PTPRA: variants seen among roughly 807,000 people sequenced by gnomAD.
The protein encoded by PTPRA is protein tyrosine phosphatase receptor type A, also known as receptor-type tyrosine-protein phosphatase alpha.
In PTPRA, 25 loss-of-function variants were observed where a neutral mutation model predicts 104.8. The observed-to-expected ratio is 0.24, with a 90% confidence interval of 0.17 to 0.33. The LOEUF (loss-of-function observed/expected upper bound fraction) is 0.33, where lower values mean the gene tolerates loss of function less well. Among genes scored for constraint, PTPRA ranks in the 10% least tolerant of loss-of-function variants. The pLI is 1.00. For missense variants in PTPRA, 765 were observed against 1,015.3 expected (o/e 0.75, Z 3.35); for synonymous variants, 323 against 368.9 (o/e 0.88, Z 1.43).
chr20:3,019,381 C>T (rs1438650741), intron 13 of PTPRA, among the ~76,000 whole-genome samples: 4 of 150,252 alleles, frequency 2.7e-5, no homozygotes, highest in Admixed American at 2.0e-4. Flanking sequence ...GGCGGAGGGG[C>T]TCCTCACTTC....
intron 13 of PTPRA, among the ~76,000 whole-genome samples, chr20:3,020,327 T>G (rs1445542473): frequency 6.6e-6 from 1 of 152,080 alleles, no homozygotes; most frequent in Non-Finnish European, 1.5e-5. Flanking sequence ...CTCGATCTCC[T>G]GACCTCGTGA....
chr20:3,032,466 C>G (rs933229803), intron 20 of PTPRA, among the ~76,000 whole-genome samples: 1 of 152,182 alleles, frequency 6.6e-6, no homozygotes, highest in Non-Finnish European at 1.5e-5. Context: ...CAGCAAAACT[C>G]CTTTAAAGAG....
In PTPRA at chr20:3,022,140, C is replaced by T. The variant is rs1318442397; in HGVS notation, c.1248C>T (p.Thr416=). The T allele has an allele frequency of 6.2e-7, 1 of 1,614,122 alleles. No homozygotes were observed. Among genetic ancestry groups the T allele is most frequent in the Non-Finnish European group, 8.5e-7 (1 of 1,180,042 alleles). The change falls in exon 15 of 24, where the codon ACC becomes ACT. Residue 416 remains threonine (T), a synonymous_variant. Coordinates refer to ENST00000399903, the MANE Select transcript of PTPRA (RefSeq NM_001385305.1). This position sits in a 1 kb window ranked among gnomAD's most constrained non-coding sequence, Gnocchi z 4.6. ...TSWPDFGVPF[T]PIGMLKFLKK... ...GGCCAGACTTTGGGGTGCCTTTTACCCCGATCGGCATGCTCAAGTTCCTCA... is the reference window on the plus strand; with the variant it reads ...GGCCAGACTTTGGGGTGCCTTTTACTCCGATCGGCATGCTCAAGTTCCTCA...
chr20:3,027,976 A>G (rs959164847), intron 20 of PTPRA, 135 bp downstream of exon 20: 7 of 1,241,888 alleles, frequency 5.6e-6, no homozygotes, highest in Non-Finnish European at 7.8e-6. Flanking sequence ...GTACGTTTGC[A>G]TAGTATAAGT....
chr20:2,958,813 CTCCA>C (rs2061637079), intron 3 of PTPRA, among the ~76,000 whole-genome samples: 1 of 146,056 alleles, frequency 6.8e-6, no homozygotes. Context: ...CACCACTGTA[CTCCA>C]GCCTGGGCAA....
Position 2,965,137 on chromosome 20 carries a change from G to A in PTPRA, c.350G>A (p.Arg117Lys), listed in dbSNP as rs1312595869. 1.2e-6 allele frequency: 2 copies of A among 1,614,164 alleles called. No individual in the cohort carries two copies. The highest frequency in any genetic ancestry group is 4.5e-5 in the East Asian group (2 of 44,880). The change falls in exon 5 of 24, where the codon AGA (arginine) becomes AAA (lysine). Residue 117 changes from arginine to lysine, a missense_variant. Physicochemically the swap from Arg to Lys is conservative, Grantham distance 26. This residue lies in a region of PTPRA where 256 missense variants were observed against 248.9 expected (regional missense o/e 1.03). Transcript: ENST00000399903. ...WLPDNQFTDARTEPWEGNSST... is the reference protein window; with the variant it reads ...WLPDNQFTDAKTEPWEGNSST... ...CCAGATAACCAGTTCACGGATGCCA[G>A]AACAGAACCCTGGGAGGGGAATTCC...
At position 3,019,112 on chromosome 20, in the gene PTPRA, C is replaced by T. The variant is rs562246142; in HGVS notation, c.1041+1199C>T. ...CCCAGTAGGGGCGGCCGGGCAGAGG[C>T]GCCCCTCACCTCCTGGACGGGGCGG... On this transcript the variant is annotated intron_variant, in intron 13 of 23. Coordinates refer to ENST00000399903, the MANE Select transcript of PTPRA (RefSeq NM_001385305.1). 1.1e-3 allele frequency among the ~76,000 whole-genome samples: 158 copies of T among 138,120 alleles called. 1 individual carries two copies. Among genetic ancestry groups the T allele is most frequent in the African/African-American group, 4.1e-3 (149 of 36,350 alleles). The allele number at this position is 138,120 out of a possible 152,430, so 90.6% of individuals were successfully genotyped here.
At chr20:3,021,187 G>A in intron 13 of PTPRA, 122 bp from the exon 14 acceptor site, 1 of 1,329,120 alleles carries the variant, frequency 7.5e-7, no homozygotes, top group Non-Finnish European at 1.0e-6. Flanking sequence ...AGATAGAGAA[G>A]AGGTCAAAGG....
At chr20:2,944,774 T>G (rs1309972852) in intron 2 of PTPRA, among the ~76,000 whole-genome samples, 5 of 152,214 alleles carry the variant, frequency 3.3e-5, no homozygotes, top group African/African-American at 1.2e-4. Context: ...AAAAAATTGT[T>G]TTTAAATAAT....
At chr20:2,871,992 AGGCCCTGGCT>A (rs958142790), upstream of PTPRA, among the ~76,000 whole-genome samples, 3 of 152,228 alleles carry the variant, frequency 2.0e-5, no homozygotes, top group African/African-American at 7.2e-5. Context: ...CCATATTCCC[AGGCCCTGGCT>A]CTGGTTAGCA....
chr20:2,987,287 A>G (rs952724957), intron 7 of PTPRA, among the ~76,000 whole-genome samples: 3 of 151,774 alleles, frequency 2.0e-5, no homozygotes, highest in African/African-American at 7.3e-5. Flanking sequence ...CCCTTCTGGG[A>G]CCCCTGGCCC....
chr20:3,027,397 G>A (rs991237424), intron 19 of PTPRA, among the ~76,000 whole-genome samples, 200 bp downstream of exon 19: 16 of 152,296 alleles, frequency 1.1e-4, no homozygotes, highest in African/African-American at 3.9e-4. Context: ...GAAAACAGAT[G>A]GCATGCAGTA....
intron 6 of PTPRA, 22 bp downstream of exon 6, chr20:2,975,263 T>C (rs1468906227): frequency 6.3e-7 from 1 of 1,577,706 alleles, no homozygotes; most frequent in East Asian, 2.2e-5. Context: ...ACCTTATATC[T>C]GTTGTTCCTT....
chr20:2,966,047 C>T (rs1026973561), intron 5 of PTPRA, among the ~76,000 whole-genome samples: 1 of 152,196 alleles, frequency 6.6e-6, no homozygotes, highest in African/African-American at 2.4e-5. Context: ...GTGAGTGCCC[C>T]TAAGCAGAAT....
chr20:2,916,663 C>T (rs1159726960), intron 1 of PTPRA, among the ~76,000 whole-genome samples: 1 of 152,006 alleles, frequency 6.6e-6, no homozygotes, highest in Admixed American at 6.6e-5. Flanking sequence ...TCTGATTGTG[C>T]CACTGCACTC....
intron 1 of PTPRA, among the ~76,000 whole-genome samples, chr20:2,897,988 C>T (rs1347532698): frequency 1.4e-5 from 2 of 147,508 alleles, no homozygotes; most frequent in Non-Finnish European, 3.0e-5. Flanking sequence ...TCTTTGTTCA[C>T]TGCAACCTCC....
At chr20:2,974,958 C>T (rs2062367957) in intron 5 of PTPRA, among the ~76,000 whole-genome samples, 3 of 152,134 alleles carry the variant, frequency 2.0e-5, no homozygotes, top group Admixed American at 2.0e-4. Context: ...ACATAAAGTC[C>T]TCTAATAACA....
intron 6 of PTPRA, among the ~76,000 whole-genome samples, chr20:2,982,442 A>AT (rs950272816): frequency 1.3e-4 from 20 of 150,852 alleles, no homozygotes; most frequent in South Asian, 4.2e-4. Flanking sequence ...ATAAATTACT[A>AT]TTTTTTTTTG....
chr20:3,002,081 A>C (rs1321052068), intron 9 of PTPRA, among the ~76,000 whole-genome samples: 5 of 152,106 alleles, frequency 3.3e-5, no homozygotes, highest in Non-Finnish European at 7.4e-5. Context: ...TCAAGGCTGC[A>C]ATGAGCTATG....
Sources: allele counts gnomAD v4.1 joint callset (sites outside exome capture counted in the v4.1 genomes callset), GRCh38; gene constraint gnomAD v4.1.1; regional missense constraint gnomAD v4.1.1; non-coding constraint Gnocchi (gnomAD v3.1); transcripts MANE v1.5; gene names NCBI Gene and HGNC (gene_info 2026-07-23, HGNC 2026-07-21).